The following LSAMP variants were observed in gnomAD, a reference collection of about 807,000 sequenced individuals.
LSAMP encodes the protein limbic system associated membrane protein, also known as limbic system-associated membrane protein.
Under a neutral mutation model 38.6 loss-of-function variants are expected in LSAMP, and 7 were observed. That is an observed-to-expected ratio of 0.18 (90% CI 0.10 to 0.34). LSAMP has a LOEUF of 0.34. LSAMP is among the 10% of genes least tolerant of loss of function. The pLI is 1.00. For missense variants in LSAMP, 313 were observed against 420.0 expected (o/e 0.75, Z 2.23); for synonymous variants, 154 against 166.8 (o/e 0.92, Z 0.59).
At chr3:116,384,226 G>A (rs2048597142) in intron 1 of LSAMP, among the ~76,000 whole-genome samples, 1 of 151,952 alleles carries the variant, frequency 6.6e-6, no homozygotes, top group Admixed American at 6.6e-5. Flanking sequence ...TTACTTCCTA[G>A]CCTGCTGCTA....
At position 116,204,409 on chromosome 3, in the gene LSAMP, A is replaced by G. The variant is rs947859483; in HGVS notation, c.156-117853T>C. Among the ~76,000 whole-genome samples the G allele has an allele frequency of 4.2e-3, 643 of 152,088 alleles. 7 individuals carry two copies. The highest frequency in any genetic ancestry group is 0.015 in the African/African-American group (603 of 41,466). The stretch of plus-strand genomic sequence containing the variant: ...GTGCAGAAGCTCTTTAGTTTAATTA[A>G]ACCCCATTTGTCAATTTTGTCTTTT... On this transcript the variant is annotated intron_variant, in intron 1 of 6. Transcript: ENST00000490035.
At position 116,434,060 on chromosome 3, in the gene LSAMP, A is replaced by G. The variant is rs1559866815; in HGVS notation, c.155+10817T>C. On this transcript the variant is annotated intron_variant, in intron 1 of 6. Transcript: ENST00000490035. ...AAATATTGAAGGTATTTCTAACCAA[A>G]TCTCTTTACCGTACCAATAATCAGA... Among the ~76,000 whole-genome samples the G allele has an allele frequency of 2.6e-5, 4 of 152,130 alleles. No homozygotes were observed. In the South Asian group the frequency reaches 8.3e-4, roughly 32 times the overall value.
chr3:116,391,294 C>T (rs1243581779), intron 1 of LSAMP, among the ~76,000 whole-genome samples: 2 of 152,022 alleles, frequency 1.3e-5, no homozygotes, highest in Non-Finnish European at 2.9e-5. Flanking sequence ...CCCTGTGCCC[C>T]GCCCCCCCCG....
intron 3 of LSAMP, among the ~76,000 whole-genome samples, chr3:115,972,059 A>G (rs904681477): frequency 8.5e-5 from 13 of 152,120 alleles, no homozygotes; most frequent in African/African-American, 3.1e-4. Context: ...CTAATAGAAA[A>G]GCTCTAATGG....
chr3:116,331,535 T>A (rs1425957709), intron 1 of LSAMP, among the ~76,000 whole-genome samples: 1 of 152,102 alleles, frequency 6.6e-6, no homozygotes, highest in African/African-American at 2.4e-5. Context: ...CTCAATAAGA[T>A]TAAAAGCAGA....
chr3:115,822,818 T>C (rs1934289593), intron 6 of LSAMP, among the ~76,000 whole-genome samples: 1 of 152,236 alleles, frequency 6.6e-6, no homozygotes, highest in Admixed American at 6.5e-5. Context: ...AATGCTACAC[T>C]TTACTTTCAA....
In LSAMP at chr3:115,903,227, T is replaced by G. The variant is rs972209050; in HGVS notation, c.515-50610A>C. Among the ~76,000 whole-genome samples the G allele has an allele frequency of 2.0e-5, 3 of 152,102 alleles. 1 individual carries two copies. The highest frequency in any genetic ancestry group is 6.3e-3 in the Middle Eastern group (2 of 316). On this transcript the variant is annotated intron_variant, in intron 3 of 6. Transcript: ENST00000490035. Reference sequence around the variant, plus strand: ...CTGGAAGCCATTATCCTTAGCAAACTAACAGAGAAACATAAAACCAAATAC... The same window carrying G: ...CTGGAAGCCATTATCCTTAGCAAACGAACAGAGAAACATAAAACCAAATAC...
At chr3:116,030,838 C>A (rs552074856) in intron 2 of LSAMP, among the ~76,000 whole-genome samples, 1 of 152,096 alleles carries the variant, frequency 6.6e-6, no homozygotes, top group Admixed American at 6.6e-5. Flanking sequence ...ATTCTTAGAG[C>A]AGATGAAAAT....
intron 1 of LSAMP, among the ~76,000 whole-genome samples, chr3:116,420,957 G>A (rs1481845554): frequency 6.6e-6 from 1 of 152,130 alleles, no homozygotes; most frequent in Non-Finnish European, 1.5e-5. Flanking sequence ...AACAAGTGGT[G>A]CTGGACTAAT....
At chr3:115,968,495 G>C (rs749988168) in intron 3 of LSAMP, among the ~76,000 whole-genome samples, 2 of 152,124 alleles carry the variant, frequency 1.3e-5, no homozygotes, top group Non-Finnish European at 2.9e-5. Context: ...TCATCCAGAA[G>C]GTAGGACCTG....
intron 1 of LSAMP, among the ~76,000 whole-genome samples, chr3:116,233,085 T>C (rs138872970): frequency 1.1e-4 from 16 of 152,146 alleles, no homozygotes; most frequent in African/African-American, 3.9e-4. Flanking sequence ...TCTTGTATTA[T>C]AGAAAAGGAA....
chr3:116,194,778 A>T (rs1199149930), intron 1 of LSAMP, among the ~76,000 whole-genome samples: 1 of 152,194 alleles, frequency 6.6e-6, no homozygotes, highest in East Asian at 1.9e-4. Context: ...ATCGAGATTG[A>T]GGTTTGGTAT....
At chr3:116,246,925 A>T (rs2046612661) in intron 1 of LSAMP, among the ~76,000 whole-genome samples, 1 of 152,134 alleles carries the variant, frequency 6.6e-6, no homozygotes, top group Non-Finnish European at 1.5e-5. Flanking sequence ...GACAATGTTC[A>T]TTTCAGGACA....
At chr3:116,405,519 C>T (rs190530561) in intron 1 of LSAMP, among the ~76,000 whole-genome samples, 6 of 151,714 alleles carry the variant, frequency 4.0e-5, no homozygotes, top group South Asian at 2.1e-4. Context: ...GCTTCCAATA[C>T]GATAAATAGT....
At chr3:116,346,391 C>T (rs1476901309) in intron 1 of LSAMP, among the ~76,000 whole-genome samples, 1 of 150,238 alleles carries the variant, frequency 6.7e-6, no homozygotes, top group African/African-American at 2.4e-5. Context: ...TGCAGTGGTA[C>T]CATCTCAGTT....
chr3:116,280,453 TA>T (rs763026506), intron 1 of LSAMP, among the ~76,000 whole-genome samples: 9 of 152,218 alleles, frequency 5.9e-5, no homozygotes, highest in Non-Finnish European at 1.3e-4. Flanking sequence ...TTTCAATTGA[TA>T]TGCACCACAT....
intron 2 of LSAMP, among the ~76,000 whole-genome samples, chr3:116,051,803 G>A (rs1361453884): frequency 6.6e-6 from 1 of 152,034 alleles, no homozygotes; most frequent in Non-Finnish European, 1.5e-5. Context: ...TCACTGGCAG[G>A]TGCTCATCGG....
At chr3:116,442,853 G>A (rs947624684) in intron 1 of LSAMP, among the ~76,000 whole-genome samples, 6 of 151,972 alleles carry the variant, frequency 3.9e-5, no homozygotes, top group Admixed American at 2.6e-4. Context: ...TTTCTATTGC[G>A]CCATAGACAT....
In LSAMP at chr3:116,364,010, AG is replaced by A. The variant is rs1175201971; in HGVS notation, c.155+80866del. Among the ~76,000 whole-genome samples the A allele has an allele frequency of 1.3e-4, 3 of 23,754 alleles. No individual in the cohort carries two copies. In the Admixed American group the frequency reaches 1.5e-3, roughly 12 times the overall value. 15.6% of individuals were successfully genotyped at this position (23,754 alleles called of 152,430 possible). A position where few individuals can be genotyped will look rare whatever the true frequency, so the allele number is the denominator to read the frequency against. On this transcript the variant is annotated intron_variant, in intron 1 of 6. Transcript: ENST00000490035. The stretch of plus-strand genomic sequence containing the variant: ...CAACATAGTGTTGGAAGTTCTGGCC[AG>A]GGCAATCAGGCAGGAGAAGGAAATA...
Sources: allele counts gnomAD v4.1 joint callset (sites outside exome capture counted in the v4.1 genomes callset), GRCh38; gene constraint gnomAD v4.1.1; transcripts MANE v1.5; gene names NCBI Gene and HGNC (gene_info 2026-07-23, HGNC 2026-07-21).